The following CCBE1 variants were observed in gnomAD, a reference collection of about 807,000 sequenced individuals.
CCBE1 encodes the protein collagen and calcium-binding EGF domain-containing protein 1.
CCBE1 carries 37 observed loss-of-function variants against 50.0 expected under a neutral mutation model. That is an observed-to-expected ratio of 0.74 (90% CI 0.57 to 0.97). CCBE1 has a LOEUF of 0.97. CCBE1 is among the 50% of genes least tolerant of loss of function. The pLI, the probability that CCBE1 is intolerant of heterozygous loss-of-function variation, is 0.00. For synonymous variants in CCBE1, 234 were observed against 203.7 expected, an observed-to-expected ratio of 1.15 and a Z score of -1.27; for missense variants, 538 against 523.8, an observed-to-expected ratio of 1.03 and a Z score of -0.26.
intron 2 of CCBE1, among the ~76,000 whole-genome samples, chr18:59,632,924 A>T (rs1310829867): frequency 1.3e-5 from 2 of 152,124 alleles, no homozygotes; most frequent in African/African-American, 4.8e-5. Flanking sequence ...CAATCTTCTA[A>T]AGCAGAAGGG....
chr18:59,576,690 G>C (rs116980029), intron 2 of CCBE1, among the ~76,000 whole-genome samples: 1 of 152,242 alleles, frequency 6.6e-6, no homozygotes, highest in African/African-American at 2.4e-5. Flanking sequence ...GCCATGCCCC[G>C]TCTACTTGCT....
intron 2 of CCBE1, among the ~76,000 whole-genome samples, chr18:59,488,250 T>G (rs1598944448): frequency 6.6e-6 from 1 of 152,188 alleles, no homozygotes; most frequent in East Asian, 1.9e-4. Flanking sequence ...AGATGAAAAA[T>G]TCTGGAGACG....
rs181281540 is a variant in CCBE1 at position 59,685,231 on chromosome 18, G to A, written c.212+11398C>T. On this transcript the variant is annotated intron_variant, in intron 2 of 10. Transcript: ENST00000439986. ...TAAAGAGTGATGGAATTTGCACCCT[G>A]AGATTTGGAATGGCTCAGCTTAAGA... Among the ~76,000 whole-genome samples the A allele has an allele frequency of 1.0e-3, 153 of 152,252 alleles. 1 individual carries two copies. Among genetic ancestry groups the A allele is most frequent in the Admixed American group, 8.4e-3 (128 of 15,300 alleles).
chr18:59,448,142 G>T, intron 6 of CCBE1, 39 bp from the exon 7 acceptor site: 1 of 1,612,392 alleles, frequency 6.2e-7, no homozygotes, highest in Non-Finnish European at 8.5e-7. Context: ...GGAAGCAATG[G>T]CAGAAGAGAG....
intron 2 of CCBE1, among the ~76,000 whole-genome samples, chr18:59,521,016 G>A (rs1199436769): frequency 6.6e-6 from 1 of 152,218 alleles, no homozygotes; most frequent in Non-Finnish European, 1.5e-5. Context: ...TTCTCTGAAT[G>A]CTGAAATTCT....
intron 2 of CCBE1, among the ~76,000 whole-genome samples, chr18:59,576,420 A>C (rs2052996615): frequency 6.6e-6 from 1 of 152,232 alleles, no homozygotes; most frequent in Non-Finnish European, 1.5e-5. Flanking sequence ...ATTCAGGAAA[A>C]TATTCAAGTC....
intron 2 of CCBE1, among the ~76,000 whole-genome samples, chr18:59,535,071 T>C (rs1394474677): frequency 2.0e-5 from 3 of 152,222 alleles, no homozygotes; most frequent in Non-Finnish European, 4.4e-5. Flanking sequence ...CAAGTCTATA[T>C]AACAGAAAGA....
chr18:59,609,115 G>A lies in CCBE1; in HGVS notation c.212+87514C>T, dbSNP rs941868143. Among the ~76,000 whole-genome samples, 5 of 152,092 alleles carry A rather than the reference G, an allele frequency of 3.3e-5. No individual in the cohort carries two copies. In the South Asian group the frequency reaches 6.2e-4, roughly 19 times the overall value. On this transcript the variant is annotated intron_variant, in intron 2 of 10. Coordinates refer to ENST00000439986, the MANE Select transcript of CCBE1 (RefSeq NM_133459.4). Reference sequence around the variant, plus strand: ...TTCGAGACAGCACTTTTCTCCTTCCGTGTTTTGGCCACTACTCCCCATACT... The same window carrying A: ...TTCGAGACAGCACTTTTCTCCTTCCATGTTTTGGCCACTACTCCCCATACT...
At chr18:59,676,117 C>T (rs556987245) in intron 2 of CCBE1, among the ~76,000 whole-genome samples, 1 of 152,328 alleles carries the variant, frequency 6.6e-6, no homozygotes, top group Non-Finnish European at 1.5e-5. Flanking sequence ...CTTAGGACAG[C>T]AGTGGTCTAT....
At chr18:59,684,304 C>T (rs1038480686) in intron 2 of CCBE1, among the ~76,000 whole-genome samples, 21 of 152,186 alleles carry the variant, frequency 1.4e-4, no homozygotes, top group African/African-American at 4.6e-4. Flanking sequence ...CAAAAATTGG[C>T]CTGGCGTGGT....
At chr18:59,456,718 G>T (rs942171865) in intron 5 of CCBE1, among the ~76,000 whole-genome samples, 1 of 152,188 alleles carries the variant, frequency 6.6e-6, no homozygotes, top group African/African-American at 2.4e-5. Context: ...TGGGCATGAG[G>T]GCAGCCCACA....
chr18:59,631,720 A>G (rs1239884274), intron 2 of CCBE1, among the ~76,000 whole-genome samples: 1 of 152,172 alleles, frequency 6.6e-6, no homozygotes, highest in African/African-American at 2.4e-5. Flanking sequence ...ACACCAACTT[A>G]AGAAGCACTG....
intron 2 of CCBE1, among the ~76,000 whole-genome samples, chr18:59,692,410 A>C (rs911396402): frequency 1.3e-5 from 2 of 152,210 alleles, no homozygotes; most frequent in African/African-American, 4.8e-5. Context: ...AAAACCACCA[A>C]GTAGTAGAGC....
In CCBE1 at chr18:59,516,336, T is replaced by C. The variant is rs557067990; in HGVS notation, c.213-36098A>G. On this transcript the variant is annotated intron_variant, in intron 2 of 10. Transcript: ENST00000439986. ...GGGGACAAGGACACAGACTTTCCTC[T>C]TCAAAAAGACCTCTACTTTTTCTTC... 2.6e-5 allele frequency among the ~76,000 whole-genome samples: 4 copies of C among 152,242 alleles called. No individual in the cohort carries two copies. The South Asian group carries it at 8.3e-4, about 32-fold the overall frequency.
chr18:59,451,939 C>G (rs1910954960), intron 6 of CCBE1, among the ~76,000 whole-genome samples: 1 of 147,586 alleles, frequency 6.8e-6, no homozygotes, highest in Non-Finnish European at 1.5e-5. Context: ...AACAAGTCAC[C>G]ACTTTCCTTT....
Position 59,439,804 on chromosome 18 carries a change from G to C in CCBE1, c.788C>G (p.Pro263Arg), listed in dbSNP as rs774753505. ...ACCGGGGAAGCCTGGGCTTCCCTTT[G>C]GTCCTGGTGAGCCTGTAATCAAAGA... ...GGQGPPGSPG[P>R]KGSPGFPGMP... The change falls in exon 8 of 11, where the codon CCA becomes CGA. Residue 263 changes from proline (P) to arginine (R), a missense_variant. Physicochemically the swap from Pro to Arg is moderately radical, Grantham distance 103 (BLOSUM62 -2). Transcript: ENST00000439986. The C allele has an allele frequency of 2.5e-6, 4 of 1,613,868 alleles. No individual in the cohort carries two copies. In the South Asian group the frequency reaches 4.4e-5, roughly 18 times the overall value.
At chr18:59,627,727 A>T (rs2053804328) in intron 2 of CCBE1, among the ~76,000 whole-genome samples, 1 of 152,224 alleles carries the variant, frequency 6.6e-6, no homozygotes, top group Admixed American at 6.5e-5. Context: ...TGGAAGCAGC[A>T]AGGATATGCT....
chr18:59,612,343 A>C (rs984421469), intron 2 of CCBE1, among the ~76,000 whole-genome samples: 6 of 151,336 alleles, frequency 4.0e-5, no homozygotes, highest in Non-Finnish European at 8.8e-5. Flanking sequence ...AAAAAAAAAA[A>C]CAAACAATCC....
At chr18:59,496,413 T>C (rs904999407) in intron 2 of CCBE1, among the ~76,000 whole-genome samples, 6 of 152,204 alleles carry the variant, frequency 3.9e-5, no homozygotes, top group African/African-American at 1.4e-4. Flanking sequence ...AAAATAAGTG[T>C]CATAATTTTC....
Sources: allele counts gnomAD v4.1 joint callset (sites outside exome capture counted in the v4.1 genomes callset), GRCh38; gene constraint gnomAD v4.1.1; transcripts MANE v1.5; gene names NCBI Gene and HGNC (gene_info 2026-07-23, HGNC 2026-07-21).